Variants in MAP4K4 observed in about 807,000 individuals in gnomAD.
The protein encoded by MAP4K4 is mitogen-activated protein kinase kinase kinase kinase 4.
In MAP4K4, 38 loss-of-function variants were observed where a neutral mutation model predicts 189.6. The ratio of observed to expected loss-of-function variants is 0.20; its 90% CI spans 0.15 to 0.26. The LOEUF (loss-of-function observed/expected upper bound fraction) is 0.26, where lower values mean the gene tolerates loss of function less well. Among genes scored for constraint, MAP4K4 ranks in the 10% least tolerant of loss-of-function variants. The pLI is 1.00. For synonymous variants in MAP4K4, 610 were observed against 624.3 expected, an observed-to-expected ratio of 0.98 and a Z score of 0.34; for missense variants, 1,054 against 1,726.9, an observed-to-expected ratio of 0.61 and a Z score of 6.91.
At chr2:101,834,256 C>T (rs1255568522) in intron 7 of MAP4K4, among the ~76,000 whole-genome samples, 153 bp from the exon 8 acceptor site, 4 of 149,914 alleles carry the variant, frequency 2.7e-5, no homozygotes, top group Admixed American at 1.3e-4. Context: ...CCCTCCCCTC[C>T]GCTCCGTAAG....
intron 2 of MAP4K4, among the ~76,000 whole-genome samples, chr2:101,771,271 AAAGG>A (rs2081300744): frequency 6.6e-6 from 1 of 152,174 alleles, no homozygotes; most frequent in Admixed American, 6.5e-5. Flanking sequence ...CATAATGGGA[AAAGG>A]AAGGAACAAG....
chr2:101,858,940 G>A (rs2097556400), intron 13 of MAP4K4, 56 bp from the exon 14 acceptor site: 1 of 1,318,734 alleles, frequency 7.6e-7, no homozygotes, highest in Non-Finnish European at 1.1e-6. Context: ...CCATTCAGGT[G>A]GTTCTGATGC....
At chr2:101,852,282 C>T (rs2097311016) in intron 12 of MAP4K4, among the ~76,000 whole-genome samples, 1 of 152,046 alleles carries the variant, frequency 6.6e-6, no homozygotes, top group Middle Eastern at 3.2e-3. Context: ...TAAATGGATT[C>T]CTGAGTCTGT....
rs1342589415 is a variant in MAP4K4, at chr2:101,885,122, C to G, written c.3521-65C>G. 1.6e-5 allele frequency: 12 copies of G among 748,832 alleles called. No homozygotes were observed. In the South Asian group the frequency reaches 1.8e-4, roughly 11 times the overall value. The allele number at this position is 748,832 out of a possible 1,614,324, so 46.4% of individuals were successfully genotyped here. On this transcript the variant is annotated intron_variant, in intron 28 of 32. Transcript: ENST00000324219. ...TAAAGTTTGCAGAAGACAACTAAAACAGTTTAGAGGGCTATGTTGATACTG... is the reference window on the plus strand; with the variant it reads ...TAAAGTTTGCAGAAGACAACTAAAAGAGTTTAGAGGGCTATGTTGATACTG...
At chr2:101,711,122 C>T (rs933431263) in intron 2 of MAP4K4, among the ~76,000 whole-genome samples, 3 of 152,194 alleles carry the variant, frequency 2.0e-5, no homozygotes, top group Admixed American at 6.5e-5. Flanking sequence ...AAGTAGGCCA[C>T]ATTCTGCCCT....
At chr2:101,756,295 C>T (rs2072752709) in intron 2 of MAP4K4, among the ~76,000 whole-genome samples, 1 of 152,046 alleles carries the variant, frequency 6.6e-6, no homozygotes, top group Non-Finnish European at 1.5e-5. Context: ...CTGTCAGACC[C>T]TCCTGCAAAA....
At chr2:101,866,604 TC>T (rs2097823721) in intron 19 of MAP4K4, 25 bp downstream of exon 19, 2 of 1,604,236 alleles carry the variant, frequency 1.2e-6, no homozygotes, top group Non-Finnish European at 1.7e-6. Context: ...CTTTCCTTTT[TC>T]CCTGCTAATG....
intron 2 of MAP4K4, among the ~76,000 whole-genome samples, chr2:101,756,758 G>T (rs1251907487): frequency 6.7e-6 from 1 of 149,870 alleles, no homozygotes; most frequent in Non-Finnish European, 1.5e-5. Flanking sequence ...GTAGAAACAG[G>T]GTCTCAACAT....
At chr2:101,794,972 G>T (rs1327839844) in intron 3 of MAP4K4, among the ~76,000 whole-genome samples, 1 of 152,086 alleles carries the variant, frequency 6.6e-6, no homozygotes, top group Non-Finnish European at 1.5e-5. Context: ...ATGTTGAGAG[G>T]TTTGATTAGA....
chr2:101,884,220 A>G (rs2098449568), intron 28 of MAP4K4, among the ~76,000 whole-genome samples: 1 of 152,206 alleles, frequency 6.6e-6, no homozygotes, highest in South Asian at 2.1e-4. Flanking sequence ...TTAAATGTAT[A>G]TTAAATTAAT....
At chr2:101,722,812 C>T (rs548604283) in intron 2 of MAP4K4, among the ~76,000 whole-genome samples, 1 of 152,314 alleles carries the variant, frequency 6.6e-6, no homozygotes, top group South Asian at 2.1e-4. Context: ...ATGTTCTCTA[C>T]GTTGTACATA....
intron 3 of MAP4K4, among the ~76,000 whole-genome samples, chr2:101,806,082 A>G (rs984703553): frequency 8.6e-5 from 13 of 152,020 alleles, no homozygotes; most frequent in African/African-American, 1.5e-4. Context: ...TCCTGTCCCT[A>G]CTTTGTCTCT....
chr2:101,824,333 G>T (rs1054807639), intron 4 of MAP4K4, among the ~76,000 whole-genome samples: 1 of 152,126 alleles, frequency 6.6e-6, no homozygotes, highest in Admixed American at 6.5e-5. Flanking sequence ...AAATAGCAAG[G>T]AAATTAGGAG....
intron 3 of MAP4K4, among the ~76,000 whole-genome samples, chr2:101,796,051 A>T (rs2093650335): frequency 6.6e-6 from 1 of 152,196 alleles, no homozygotes; most frequent in Non-Finnish European, 1.5e-5. Context: ...TTTATGTCAG[A>T]TGGGGATGAA....
In MAP4K4 at chr2:101,729,152, C is replaced by CT. The variant is rs1409935006; in HGVS notation, c.123+30615dup. Among the ~76,000 whole-genome samples, 5 of 151,602 alleles carry CT rather than the reference C, an allele frequency of 3.3e-5. 1 individual carries two copies. The East Asian group carries it at 9.8e-4, about 30-fold the overall frequency. On this transcript the variant is annotated intron_variant, in intron 2 of 32. Coordinates refer to ENST00000324219, the Ensembl canonical transcript of MAP4K4. ...TGTGTCCTGTTCCCACTCTCCCTCC[C>CT]TATCCTTTTTTCCTGTAAGGCCTTC...
chr2:101,845,062 C>T (rs759872413), intron 12 of MAP4K4, among the ~76,000 whole-genome samples: 6 of 151,946 alleles, frequency 3.9e-5, no homozygotes, highest in Non-Finnish European at 8.8e-5. Flanking sequence ...CCTGCAACCA[C>T]CTAAGCTAGG....
At chr2:101,750,625 C>T (rs1414531644) in intron 2 of MAP4K4, among the ~76,000 whole-genome samples, 3 of 150,908 alleles carry the variant, frequency 2.0e-5, no homozygotes, top group Admixed American at 1.3e-4. Context: ...CTAACCTGCA[C>T]AATGTGCACA....
intron 3 of MAP4K4, among the ~76,000 whole-genome samples, chr2:101,818,662 A>C (rs142079645): frequency 6.6e-5 from 10 of 152,350 alleles, no homozygotes; most frequent in African/African-American, 2.2e-4. Flanking sequence ...TGGAGTGGGC[A>C]GGGCTTGTCA....
intron 2 of MAP4K4, among the ~76,000 whole-genome samples, chr2:101,716,510 CAA>C (rs112162844): frequency 3.9e-4 from 53 of 136,926 alleles, no homozygotes; most frequent in Admixed American, 5.1e-4. Context: ...TAAAGGATGG[CAA>C]AAAAAAAAAA....
Sources: allele counts gnomAD v4.1 joint callset (sites outside exome capture counted in the v4.1 genomes callset), GRCh38; gene constraint gnomAD v4.1.1; transcripts MANE v1.5; gene names NCBI Gene and HGNC (gene_info 2026-07-23, HGNC 2026-07-21).